PLSCR4: variants seen among roughly 807,000 people sequenced by gnomAD.
The protein encoded by PLSCR4 is Ca(2+)-dependent phospholipid scramblase 4.
Under a neutral mutation model 36.3 loss-of-function variants are expected in PLSCR4, and 25 were observed. The observed-to-expected ratio is 0.69, with a 90% CI of 0.50 to 0.96. The LOEUF is 0.96. PLSCR4 is among the 40% of genes least tolerant of loss of function. The probability of loss-of-function intolerance (pLI) is 0.00; values close to 1 mark genes in which losing one functional copy is unlikely to be tolerated. For missense variants in PLSCR4, 408 were observed against 414.7 expected (o/e 0.98, Z 0.14); for synonymous variants, 122 against 132.9 (o/e 0.92, Z 0.56).
intron 1 of PLSCR4, among the ~76,000 whole-genome samples, chr3:146,249,997 T>C (rs186414798): frequency 2.5e-4 from 38 of 152,362 alleles, no homozygotes; most frequent in African/African-American, 7.9e-4. Context: ...AATTCACTTA[T>C]GCTTCCCATC....
At chr3:146,224,433 G>A (rs2035341390) in intron 1 of PLSCR4, among the ~76,000 whole-genome samples, 1 of 152,084 alleles carries the variant, frequency 6.6e-6, no homozygotes, top group African/African-American at 2.4e-5. Flanking sequence ...ACGAAGCCGC[G>A]GACCCTCGCG....
chr3:146,200,743 C>A (rs2034003164), intron 5 of PLSCR4, among the ~76,000 whole-genome samples: 1 of 151,932 alleles, frequency 6.6e-6, no homozygotes, highest in Non-Finnish European at 1.5e-5. Flanking sequence ...TTTTTTTACT[C>A]ATCTTTGAAA....
intron 3 of PLSCR4, among the ~76,000 whole-genome samples, chr3:146,213,872 G>C (rs564431622): frequency 5.3e-5 from 8 of 152,136 alleles, no homozygotes; most frequent in African/African-American, 1.9e-4. Flanking sequence ...TATGGTAAAA[G>C]CCTCACTTTC....
chr3:146,199,837 G>C lies in PLSCR4; in HGVS notation c.600C>G (p.Phe200Leu). ...QRPFRCTCCC[F>L]CCPSARQELE... ...CCTCTTGTCTGGCAGAGGGGCAACA[G>C]AAGCAACAGCAGGTGCATCTGAAGG... The change falls in exon 6 of 9, where the codon TTC becomes TTG. Residue 200 changes from phenylalanine (F) to leucine (L), a missense_variant. Coordinates refer to ENST00000354952, the MANE Select transcript of PLSCR4 (RefSeq NM_020353.3). 1 of 1,613,280 alleles carries C rather than the reference G, an allele frequency of 6.2e-7. No homozygotes were observed. Among genetic ancestry groups the C allele is most frequent in the South Asian group, 1.1e-5 (1 of 91,056 alleles).
chr3:146,223,823 T>G (rs2035294529), intron 1 of PLSCR4: 2 of 146,568 alleles, frequency 1.4e-5, no homozygotes, highest in South Asian at 4.2e-4. Context: ...TATATTTACT[T>G]TTATATAATA....
At chr3:146,199,442 C>T (rs1184905820) in intron 6 of PLSCR4, among the ~76,000 whole-genome samples, 2 of 151,976 alleles carry the variant, frequency 1.3e-5, no homozygotes, top group Non-Finnish European at 2.9e-5. Context: ...TATTTAAGTC[C>T]CTTCCAATTC....
intron 1 of PLSCR4, among the ~76,000 whole-genome samples, chr3:146,235,583 C>T (rs945155762): frequency 2.6e-5 from 4 of 151,950 alleles, no homozygotes; most frequent in African/African-American, 7.3e-5. Flanking sequence ...AAATGGGTAC[C>T]GAGGAGTGGG....
At chr3:146,212,934 A>G (rs1004107530) in intron 3 of PLSCR4, among the ~76,000 whole-genome samples, 1 of 151,964 alleles carries the variant, frequency 6.6e-6, no homozygotes, top group Non-Finnish European at 1.5e-5. Context: ...AGGATGTTGT[A>G]TTTTGTCAAG....
intron 1 of PLSCR4, 124 bp from the exon 2 acceptor site, chr3:146,222,216 C>A: frequency 2.6e-6 from 1 of 387,232 alleles, no homozygotes; most frequent in Non-Finnish European, 4.8e-6. Context: ...TTTGTCCCTT[C>A]ATTAATTAAA....
intron 4 of PLSCR4, among the ~76,000 whole-genome samples, chr3:146,205,245 A>T (rs1174195853): frequency 1.3e-5 from 2 of 152,058 alleles, no homozygotes; most frequent in Non-Finnish European, 2.9e-5. Flanking sequence ...TCTTATCCTC[A>T]GGGGATACTT....
chr3:146,211,630 G>T (rs2034624870), intron 3 of PLSCR4, among the ~76,000 whole-genome samples: 2 of 151,994 alleles, frequency 1.3e-5, no homozygotes, highest in South Asian at 4.1e-4. Context: ...CTAATCCAAG[G>T]ACATAAATAC....
At chr3:146,196,587 A>G (rs1378571095) in intron 7 of PLSCR4, 45 bp downstream of exon 7, 2 of 1,580,774 alleles carry the variant, frequency 1.3e-6, no homozygotes, top group South Asian at 1.1e-5. Flanking sequence ...GTCTGTTAAT[A>G]TGAGTAGGAA....
chr3:146,206,074 T>G (rs1469596500), intron 4 of PLSCR4, among the ~76,000 whole-genome samples: 1 of 152,064 alleles, frequency 6.6e-6, no homozygotes, highest in Non-Finnish European at 1.5e-5. Context: ...TGTTTGTTTT[T>G]GGGGGTGACA....
intron 1 of PLSCR4, among the ~76,000 whole-genome samples, chr3:146,246,638 T>C (rs1387520199): frequency 1.3e-5 from 2 of 152,154 alleles, no homozygotes; most frequent in African/African-American, 2.4e-5. Context: ...ATGATGTTTA[T>C]ATAAGACATT....
chr3:146,211,862 C>T (rs2034640356), intron 3 of PLSCR4, among the ~76,000 whole-genome samples: 1 of 152,074 alleles, frequency 6.6e-6, no homozygotes, highest in Admixed American at 6.5e-5. Context: ...CAGTTGGCTA[C>T]AGATGTTTGG....
chr3:146,214,628 A>C (rs952503916), intron 3 of PLSCR4, among the ~76,000 whole-genome samples: 1 of 151,942 alleles, frequency 6.6e-6, no homozygotes, highest in African/African-American at 2.4e-5. Context: ...ACTCTACATG[A>C]TTTTAATTGT....
chr3:146,203,729 T>C lies in PLSCR4; in HGVS notation c.355-2652A>G, dbSNP rs144357183. Among the ~76,000 whole-genome samples the C allele has an allele frequency of 3.8e-3, 579 of 152,132 alleles. 2 individuals are homozygous for C. Among genetic ancestry groups the C allele is most frequent in the Non-Finnish European group, 6.8e-3 (459 of 67,930 alleles). On this transcript the variant is annotated intron_variant, in intron 4 of 8. Transcript: ENST00000354952. The stretch of plus-strand genomic sequence containing the variant: ...CAGCCTACATAGAATTTAGGAGAGA[T>C]AGGGCTTTGCTCTGAATTATGCTTT...
intron 1 of PLSCR4, among the ~76,000 whole-genome samples, chr3:146,233,857 C>G (rs983470236): frequency 1.3e-5 from 2 of 152,152 alleles, no homozygotes; most frequent in Non-Finnish European, 2.9e-5. Context: ...TACCCCATCA[C>G]CCTCCTGTTG....
At chr3:146,240,587 A>T (rs1011839937) in intron 1 of PLSCR4, among the ~76,000 whole-genome samples, 1 of 152,226 alleles carries the variant, frequency 6.6e-6, no homozygotes, top group African/African-American at 2.4e-5. Context: ...TGGGTGACAG[A>T]GCAAGATCCT....
Sources: allele counts gnomAD v4.1 joint callset (sites outside exome capture counted in the v4.1 genomes callset), GRCh38; gene constraint gnomAD v4.1.1; transcripts MANE v1.5; gene names NCBI Gene and HGNC (gene_info 2026-07-23, HGNC 2026-07-21).